MAPK8: variants seen among roughly 807,000 people sequenced by gnomAD.
The protein encoded by MAPK8 is mitogen-activated protein kinase 8, also known as JUN N-terminal kinase.
A neutral mutation model predicts 52.9 loss-of-function variants in MAPK8; 13 were observed. The observed-to-expected ratio is 0.25, with a 90% CI of 0.16 to 0.39. MAPK8 has a LOEUF of 0.39. MAPK8 is among the 10% of genes least tolerant of loss of function. MAPK8 has a pLI of 1.00. For missense variants in MAPK8, 300 were observed against 519.2 expected, an observed-to-expected ratio of 0.58 and a Z score of 4.10; for synonymous variants, 191 against 169.8, an observed-to-expected ratio of 1.12 and a Z score of -0.97.
At chr10:48,429,957 A>T (rs1201590489) in intron 10 of MAPK8, 1 of 152,250 alleles carries the variant, frequency 6.6e-6, no homozygotes, top group Non-Finnish European at 1.5e-5. Flanking sequence ...AAAAGATTCC[A>T]TGACCCAAAG....
At chr10:48,307,372 A>T (rs914703836) in intron 1 of MAPK8, among the ~76,000 whole-genome samples, 1 of 152,192 alleles carries the variant, frequency 6.6e-6, no homozygotes, top group Admixed American at 6.5e-5. Flanking sequence ...AAAGGGCCAG[A>T]GTGGCCTGCA....
intron 1 of MAPK8, among the ~76,000 whole-genome samples, chr10:48,315,522 C>G (rs559789500): frequency 4.6e-5 from 7 of 151,574 alleles, no homozygotes; most frequent in African/African-American, 1.7e-4. Context: ...ACAACCTTTT[C>G]ATTTGTTGAA....
intron 1 of MAPK8, among the ~76,000 whole-genome samples, chr10:48,330,257 A>G (rs78717919): frequency 0.023 from 3,489 of 152,326 alleles, 145 homozygotes; most frequent in African/African-American, 0.079. Flanking sequence ...CTTTTTTTGT[A>G]TAAGTATGCT....
chr10:48,417,688 A>T (rs1313013543), intron 5 of MAPK8, among the ~76,000 whole-genome samples: 1 of 152,174 alleles, frequency 6.6e-6, no homozygotes, highest in African/African-American at 2.4e-5. Flanking sequence ...TGGACAAAAT[A>T]AGACAAGTGA....
At chr10:48,354,581 G>A (rs924286834) in intron 1 of MAPK8, among the ~76,000 whole-genome samples, 1 of 152,182 alleles carries the variant, frequency 6.6e-6, no homozygotes, top group South Asian at 2.1e-4. Context: ...GTAAGATTCA[G>A]TAGGTCTGGG....
At chr10:48,384,226 TG>T (rs1319090275) in intron 1 of MAPK8, among the ~76,000 whole-genome samples, 7 of 152,010 alleles carry the variant, frequency 4.6e-5, no homozygotes, top group Non-Finnish European at 8.8e-5. Flanking sequence ...CACTCCAGCC[TG>T]GGCGACAGAG....
At chr10:48,433,138 A>G (rs10508902) in intron 11 of MAPK8, among the ~76,000 whole-genome samples, 8,848 of 152,280 alleles carry the variant, frequency 0.058, 613 homozygotes, top group Admixed American at 0.21. Context: ...GATTTTCCAT[A>G]TTATTACCAT....
At chr10:48,431,507 T>C (rs528664902) in intron 11 of MAPK8, among the ~76,000 whole-genome samples, 1 of 152,340 alleles carries the variant, frequency 6.6e-6, no homozygotes, top group South Asian at 2.1e-4. Context: ...AACAGAAATT[T>C]AAAAACTTTT....
rs75424135 is a variant in MAPK8 at position 48,416,986 on chromosome 10, G to C, written c.451-3169G>C. Among the ~76,000 whole-genome samples the C allele has an allele frequency of 6.9e-3, 1,057 of 152,226 alleles. 16 individuals carry two copies. Among genetic ancestry groups the C allele is most frequent in the African/African-American group, 0.023 (954 of 41,524 alleles). On this transcript the variant is annotated intron_variant, in intron 5 of 11. Coordinates refer to ENST00000374189, the MANE Select transcript of MAPK8 (RefSeq NM_001323329.2). Reference sequence around the variant, plus strand: ...GGTCATTTTAAGGCCATCCTTCTCAGCCTTGCCACTATTGACATTTTGGAG... The same window carrying C: ...GGTCATTTTAAGGCCATCCTTCTCACCCTTGCCACTATTGACATTTTGGAG...
chr10:48,379,508 C>T (rs1415158123), intron 1 of MAPK8, among the ~76,000 whole-genome samples: 1 of 152,058 alleles, frequency 6.6e-6, no homozygotes, highest in Non-Finnish European at 1.5e-5. Context: ...CAAATAGTTC[C>T]CAAATTCTGG....
intron 1 of MAPK8, among the ~76,000 whole-genome samples, chr10:48,316,354 G>A (rs974556934): frequency 5.3e-5 from 8 of 152,186 alleles, no homozygotes; most frequent in African/African-American, 1.7e-4. Flanking sequence ...TTATAGCTTA[G>A]GTATGTTGTA....
chr10:48,350,172 C>T (rs1391382927), intron 1 of MAPK8, among the ~76,000 whole-genome samples: 4 of 152,142 alleles, frequency 2.6e-5, no homozygotes, highest in Admixed American at 6.5e-5. Flanking sequence ...GATTCACAGC[C>T]GAATTCTACC....
At chr10:48,387,904 C>T (rs969754750) in intron 1 of MAPK8, among the ~76,000 whole-genome samples, 1 of 152,046 alleles carries the variant, frequency 6.6e-6, no homozygotes, top group Non-Finnish European at 1.5e-5. Context: ...GGGCTCGAGT[C>T]TAAAGTTAGT....
chr10:48,337,565 C>T (rs928722634), intron 1 of MAPK8, among the ~76,000 whole-genome samples: 1 of 151,986 alleles, frequency 6.6e-6, no homozygotes, highest in Non-Finnish European at 1.5e-5. Flanking sequence ...AACAAACCAA[C>T]CTGAAAGCTA....
rs1401014318 is a variant in MAPK8, at chr10:48,437,789, C to T, written c.*2760C>T. 1 of 152,222 alleles carries T rather than the reference C, an allele frequency of 6.6e-6. No homozygotes were observed. Among genetic ancestry groups the T allele is most frequent in the Non-Finnish European group, 1.5e-5 (1 of 68,058 alleles). 9.4% of individuals were successfully genotyped at this position (152,222 alleles called of 1,614,324 possible). A position where few individuals can be genotyped will look rare whatever the true frequency, so the allele number is the denominator to read the frequency against. On this transcript the variant is annotated 3_prime_UTR_variant, in exon 12 of 12. Transcript: ENST00000374189. ...CCAGACTTCTAAGAGAAACACCAGCCTCTTAAATCAGAAGCCTACACACAA... is the reference window on the plus strand; with the variant it reads ...CCAGACTTCTAAGAGAAACACCAGCTTCTTAAATCAGAAGCCTACACACAA...
At chr10:48,312,989 T>C (rs183941888) in intron 1 of MAPK8, among the ~76,000 whole-genome samples, 80 of 152,352 alleles carry the variant, frequency 5.3e-4, no homozygotes, top group Middle Eastern at 3.4e-3. Flanking sequence ...TATATAATCC[T>C]TTGTTCAAAA....
intron 1 of MAPK8, among the ~76,000 whole-genome samples, chr10:48,322,315 T>TTA (rs66498056): frequency 2.0e-5 from 3 of 150,674 alleles, no homozygotes; most frequent in South Asian, 2.1e-4. Flanking sequence ...TTTCATGATT[T>TTA]AAAAAAAAAA....
chr10:48,378,499 AAAG>A (rs1227688309), intron 1 of MAPK8, among the ~76,000 whole-genome samples: 2 of 152,208 alleles, frequency 1.3e-5, no homozygotes, highest in African/African-American at 2.4e-5. Flanking sequence ...CAGAATGAAA[AAAG>A]AACCTATTCA....
At chr10:48,350,403 C>G (rs1846196112) in intron 1 of MAPK8, among the ~76,000 whole-genome samples, 1 of 152,216 alleles carries the variant, frequency 6.6e-6, no homozygotes, top group African/African-American at 2.4e-5. Flanking sequence ...AGCAGCACAT[C>G]AAAAAGCTTA....
Sources: gnomAD v4.1 joint callset for allele counts (sites outside exome capture counted in the v4.1 genomes callset) on GRCh38, gnomAD v4.1.1 for gene constraint, MANE v1.5 for transcripts, NCBI Gene and HGNC (gene_info 2026-07-23, HGNC 2026-07-21) for gene names.